The following DPH6 variants were observed in gnomAD, a reference collection of about 807,000 sequenced individuals.
DPH6 encodes the protein diphthine--ammonia ligase.
DPH6 carries 33 observed loss-of-function variants against 38.2 expected under a neutral mutation model. The observed-to-expected ratio is 0.86, with a 90% CI of 0.65 to 1.15. The LOEUF (loss-of-function observed/expected upper bound fraction) is 1.15, where lower values mean the gene tolerates loss of function less well. Among genes scored for constraint, DPH6 ranks in the 50% most tolerant of loss-of-function variants. DPH6 has a pLI of 0.00. For missense variants in DPH6, 325 were observed against 320.0 expected, an observed-to-expected ratio of 1.02 and a Z score of -0.12; for synonymous variants, 108 against 103.0, an observed-to-expected ratio of 1.05 and a Z score of -0.30.
rs1462886395 is a variant in DPH6, at chr15:35,365,730, G to A, written n.207+7791C>T. The stretch of plus-strand genomic sequence containing the variant: ...AATGATATCATCACGGTATGGCGTT[G>A]CTACTACCAAAGTCCATTTACTCGA... On this transcript the variant is annotated intron_variant and non_coding_transcript_variant, in intron 3 of 3. Transcript: ENST00000558973. 3 of 948,246 alleles carry A rather than the reference G, an allele frequency of 3.2e-6. No individual in the cohort carries two copies. The African/African-American group carries it at 5.3e-5, about 17-fold the overall frequency. 58.7% of individuals were successfully genotyped at this position (948,246 alleles called of 1,614,324 possible).
chr15:35,439,187 G>A (rs1466322631), intron 5 of DPH6, among the ~76,000 whole-genome samples: 1 of 152,234 alleles, frequency 6.6e-6, no homozygotes, highest in Non-Finnish European at 1.5e-5. Flanking sequence ...CTGAAATGTT[G>A]ATGAATATCA....
chr15:35,314,043 C>A (rs1346087698), intron 3 of DPH6, among the ~76,000 whole-genome samples: 1 of 151,542 alleles, frequency 6.6e-6, no homozygotes, highest in African/African-American at 2.4e-5. Context: ...TGCAACCTAT[C>A]CATCATACAA....
At chr15:35,201,596 T>C in the DPH6 span, among the ~76,000 whole-genome samples, 1 of 151,862 alleles carries the variant, frequency 6.6e-6, no homozygotes, top group Admixed American at 6.6e-5. Flanking sequence ...GCATAATTCT[T>C]GACATTTATT....
intron 3 of DPH6, among the ~76,000 whole-genome samples, chr15:35,290,687 C>T (rs148167850): frequency 4.8e-4 from 73 of 152,234 alleles, no homozygotes; most frequent in African/African-American, 1.5e-3. Context: ...AAAAGCATTG[C>T]TACAAATAAT....
chr15:35,353,136 T>C (rs1227789973), intron 3 of DPH6, among the ~76,000 whole-genome samples: 6 of 152,348 alleles, frequency 3.9e-5, no homozygotes, highest in Admixed American at 2.6e-4. Context: ...GTTTGTTTTT[T>C]TCTTGTAAAT....
intron 3 of DPH6, among the ~76,000 whole-genome samples, chr15:35,484,153 T>C (rs1327385123): frequency 6.6e-6 from 1 of 152,198 alleles, no homozygotes; most frequent in Non-Finnish European, 1.5e-5. Context: ...TGCTTCAAAG[T>C]ATGCCTCAGT....
intron 3 of DPH6, among the ~76,000 whole-genome samples, chr15:35,238,713 A>G (rs2051575414): frequency 6.6e-6 from 1 of 152,202 alleles, no homozygotes; most frequent in Non-Finnish European, 1.5e-5. Context: ...TAACTGAAGA[A>G]TCACAAAAGA....
intron 7 of DPH6, among the ~76,000 whole-genome samples, chr15:35,378,700 T>A (rs1384355722): frequency 6.6e-6 from 1 of 151,936 alleles, no homozygotes; most frequent in Non-Finnish European, 1.5e-5. Flanking sequence ...CTGAAAACCA[T>A]CATTCTCAGC....
chr15:35,459,625 C>T (rs1202972066), intron 3 of DPH6, among the ~76,000 whole-genome samples: 1 of 151,944 alleles, frequency 6.6e-6, no homozygotes, highest in East Asian at 1.9e-4. Context: ...CGGGAGCAAA[C>T]AAGAACCTCA....
the DPH6 span, among the ~76,000 whole-genome samples, chr15:35,208,005 G>A: frequency 6.6e-6 from 1 of 152,060 alleles, no homozygotes; most frequent in African/African-American, 2.4e-5. Context: ...TTGCCTACTA[G>A]CCTCACTGAA....
intron 3 of DPH6, among the ~76,000 whole-genome samples, chr15:35,223,131 G>C (rs2051453402): frequency 6.6e-6 from 1 of 152,196 alleles, no homozygotes; most frequent in African/African-American, 2.4e-5. Flanking sequence ...GAATGGAAAT[G>C]TATTAGTTTA....
chr15:35,310,730 C>T (rs1421269817), intron 3 of DPH6, among the ~76,000 whole-genome samples: 1 of 151,776 alleles, frequency 6.6e-6, no homozygotes, highest in Non-Finnish European at 1.5e-5. Context: ...CTAATAGTAC[C>T]TTCTTTAATG....
chr15:35,429,409 AATTCTG>A (rs1481952396), intron 5 of DPH6, among the ~76,000 whole-genome samples: 3 of 152,148 alleles, frequency 2.0e-5, no homozygotes, highest in African/African-American at 7.2e-5. Context: ...TATGAATCTG[AATTCTG>A]ATTCTATTAT....
intron 3 of DPH6, among the ~76,000 whole-genome samples, chr15:35,316,295 T>C (rs1362704613): frequency 6.6e-6 from 1 of 152,206 alleles, no homozygotes; most frequent in Admixed American, 6.6e-5. Flanking sequence ...TATTTACATG[T>C]ACCCCAAAAC....
At chr15:35,520,220 C>CAAAAAA (rs1353792195) in intron 3 of DPH6, 23 of 445,166 alleles carry the variant, frequency 5.2e-5, no homozygotes, top group East Asian at 9.7e-4. Context: ...AAACATGCTA[C>CAAAAAA]AAAAAAAAAC....
intron 6 of DPH6, among the ~76,000 whole-genome samples, chr15:35,395,395 T>C (rs1286913566): frequency 1.3e-5 from 2 of 152,178 alleles, no homozygotes; most frequent in Non-Finnish European, 2.9e-5. Context: ...TTCAGTAATA[T>C]AAATTTTGGT....
At chr15:35,520,398 A>C in intron 3 of DPH6, 1 of 983,084 alleles carries the variant, frequency 1.0e-6, no homozygotes, top group Non-Finnish European at 1.2e-6. Flanking sequence ...TAAATAAGTT[A>C]CATCAAACAA....
chr15:35,150,856 G>A, the DPH6 span, among the ~76,000 whole-genome samples: 65 of 152,272 alleles, frequency 4.3e-4, no homozygotes, highest in African/African-American at 1.3e-3. Flanking sequence ...TCGAATTTCC[G>A]TTAATAATCG....
rs779936508 is a variant in DPH6, at chr15:35,450,715, G to T, written c.475C>A (p.Gln159Lys). The stretch of plus-strand genomic sequence containing the variant: ...GCTGCTACTTTGATGATCATTGCTT[G>T]AATGTTAGATGATATCATCTCTCTG... Reference protein sequence around the residue: ...LLREMISSNIQAMIIKVAALG... With the variant: ...LLREMISSNIKAMIIKVAALG... Residue 159 changes from glutamine (Q) to lysine (K), a missense_variant, in exon 5 of 9, where the codon CAA becomes AAA. Transcript: ENST00000256538. 2.5e-6 allele frequency: 4 copies of T among 1,612,956 alleles called. No individual in the cohort carries two copies. Among genetic ancestry groups the T allele is most frequent in the African/African-American group, 1.3e-5 (1 of 74,828 alleles).
Sources: gnomAD v4.1 joint callset for allele counts (sites outside exome capture counted in the v4.1 genomes callset) on GRCh38, gnomAD v4.1.1 for gene constraint, MANE v1.5 for transcripts, NCBI Gene and HGNC (gene_info 2026-07-23, HGNC 2026-07-21) for gene names.